The following BRINP3 variants were observed in gnomAD, a reference collection of about 807,000 sequenced individuals.
BRINP3 encodes BMP/retinoic acid-inducible neural-specific protein 3.
BRINP3 carries 19 observed loss-of-function variants against 71.0 expected under a neutral mutation model. The ratio of observed to expected loss-of-function variants is 0.27; its 90% CI spans 0.19 to 0.39. The LOEUF is 0.39. Ranked by LOEUF, BRINP3 falls within the 10% of genes least tolerant of loss-of-function variation. The pLI, the probability that BRINP3 is intolerant of heterozygous loss-of-function variation, is 1.00. For synonymous variants in BRINP3, 380 were observed against 337.7 expected (o/e 1.13, Z -1.37); for missense variants, 959 against 940.8 (o/e 1.02, Z -0.25).
intron 6 of BRINP3, among the ~76,000 whole-genome samples, chr1:190,206,128 G>A (rs1304464113): frequency 6.6e-6 from 1 of 151,928 alleles, no homozygotes; most frequent in Admixed American, 6.6e-5. Context: ...GCCAAATTAA[G>A]GTTAACTTGG....
At chr1:190,196,582 A>T (rs185811383) in intron 6 of BRINP3, among the ~76,000 whole-genome samples, 4 of 152,246 alleles carry the variant, frequency 2.6e-5, no homozygotes, top group Admixed American at 2.6e-4. Context: ...GCAATGGGTA[A>T]ACATAATCAG....
At chr1:190,381,517 C>A (rs1442468035) in intron 2 of BRINP3, among the ~76,000 whole-genome samples, 1 of 152,090 alleles carries the variant, frequency 6.6e-6, no homozygotes, top group Non-Finnish European at 1.5e-5. Context: ...TGTCTTGTTT[C>A]CATTTTCAGA....
chr1:190,321,686 A>G (rs1341518790), intron 2 of BRINP3, among the ~76,000 whole-genome samples: 1 of 152,060 alleles, frequency 6.6e-6, no homozygotes, highest in Non-Finnish European at 1.5e-5. Context: ...ACGTTTTATT[A>G]TCTTTGCTTT....
At chr1:190,285,546 C>T (rs1273084860) in intron 2 of BRINP3, among the ~76,000 whole-genome samples, 1 of 151,810 alleles carries the variant, frequency 6.6e-6, no homozygotes, top group African/African-American at 2.4e-5. Context: ...TGGCAGTGAA[C>T]CGAGATCATG....
chr1:190,401,261 G>T (rs1671900985), intron 2 of BRINP3, among the ~76,000 whole-genome samples: 1 of 151,624 alleles, frequency 6.6e-6, no homozygotes, highest in South Asian at 2.1e-4. Flanking sequence ...GGGAGGATGA[G>T]GCAGGAGAAT....
intron 2 of BRINP3, among the ~76,000 whole-genome samples, chr1:190,453,600 T>C (rs1433373502): frequency 8.5e-5 from 13 of 152,166 alleles, no homozygotes; most frequent in Admixed American, 8.5e-4. Flanking sequence ...ATAAGGGATT[T>C]CTTATTTTTG....
intron 7 of BRINP3, among the ~76,000 whole-genome samples, chr1:190,134,201 G>T (rs763134520): frequency 6.6e-6 from 1 of 152,010 alleles, no homozygotes; most frequent in South Asian, 2.1e-4. Context: ...AAGCCTCTTC[G>T]TGGAGGTGAT....
At chr1:190,122,606 C>T (rs1322443618) in intron 7 of BRINP3, among the ~76,000 whole-genome samples, 2 of 150,698 alleles carry the variant, frequency 1.3e-5, no homozygotes, top group African/African-American at 2.4e-5. Context: ...GGAGGGATAG[C>T]GTTAGGAGAT....
At chr1:190,435,578 ACT>A (rs1449361232) in intron 2 of BRINP3, among the ~76,000 whole-genome samples, 2 of 152,102 alleles carry the variant, frequency 1.3e-5, no homozygotes, top group Admixed American at 6.6e-5. Context: ...AGATAAACTA[ACT>A]CACAACAATG....
intron 7 of BRINP3, among the ~76,000 whole-genome samples, chr1:190,146,929 A>T (rs1191847824): frequency 6.6e-6 from 1 of 152,062 alleles, no homozygotes; most frequent in African/African-American, 2.4e-5. Flanking sequence ...TTCCATTCAG[A>T]AAACGAGCAA....
In BRINP3 at chr1:190,119,644, G is replaced by A. The variant is rs554314256; in HGVS notation, c.1185-20510C>T. Among the ~76,000 whole-genome samples the A allele has an allele frequency of 2.6e-5, 4 of 152,226 alleles. No individual in the cohort carries two copies. The East Asian group carries it at 7.7e-4, about 29-fold the overall frequency. ...TAAGTTTCACTTATACTGAGTGCAG[G>A]TGTTTATATTTCAGACAAATTTTTA... On this transcript the variant is annotated intron_variant, in intron 7 of 7. Transcript: ENST00000367462.
intron 6 of BRINP3, among the ~76,000 whole-genome samples, chr1:190,223,115 C>A (rs910794125): frequency 2.0e-5 from 3 of 151,912 alleles, no homozygotes; most frequent in African/African-American, 7.2e-5. Flanking sequence ...AATATCAGTT[C>A]TACCCAAATT....
intron 2 of BRINP3, among the ~76,000 whole-genome samples, chr1:190,365,959 G>T (rs982406123): frequency 6.6e-6 from 1 of 151,392 alleles, no homozygotes; most frequent in South Asian, 2.1e-4. Flanking sequence ...GAGAAATAAT[G>T]GCTTTCCAAA....
intron 2 of BRINP3, among the ~76,000 whole-genome samples, chr1:190,333,959 A>G (rs1467850839): frequency 1.3e-5 from 2 of 151,912 alleles, no homozygotes; most frequent in Non-Finnish European, 2.9e-5. Flanking sequence ...AAGTTTTCTC[A>G]GTTCCATAAT....
intron 2 of BRINP3, among the ~76,000 whole-genome samples, chr1:190,320,740 T>G (rs1160756801): frequency 6.6e-6 from 1 of 151,904 alleles, no homozygotes; most frequent in Non-Finnish European, 1.5e-5. Context: ...GAACCTAATG[T>G]GCATATCTTT....
intron 2 of BRINP3, among the ~76,000 whole-genome samples, chr1:190,381,800 G>T (rs1034256533): frequency 6.6e-6 from 1 of 152,060 alleles, no homozygotes; most frequent in Admixed American, 6.6e-5. Flanking sequence ...CTAGGCATAT[G>T]GATCAGTACT....
chr1:190,419,493 T>G (rs1673221155), intron 2 of BRINP3, among the ~76,000 whole-genome samples: 1 of 151,980 alleles, frequency 6.6e-6, no homozygotes, highest in African/African-American at 2.4e-5. Context: ...GTTCTAAAAA[T>G]ATCGTATTTT....
At chr1:190,158,867 G>T (rs983141196) in intron 7 of BRINP3, among the ~76,000 whole-genome samples, 10 of 150,410 alleles carry the variant, frequency 6.6e-5, no homozygotes, top group African/African-American at 2.4e-4. Flanking sequence ...CACAGGGAGG[G>T]GGAGAGAGAG....
At chr1:190,293,466 G>A (rs893874764) in intron 2 of BRINP3, among the ~76,000 whole-genome samples, 1 of 151,784 alleles carries the variant, frequency 6.6e-6, no homozygotes, top group African/African-American at 2.4e-5. Context: ...GATATTCCAT[G>A]TGTTGATGAG....
Sources: gnomAD v4.1 joint callset for allele counts (sites outside exome capture counted in the v4.1 genomes callset) on GRCh38, gnomAD v4.1.1 for gene constraint, MANE v1.5 for transcripts, NCBI Gene and HGNC (gene_info 2026-07-23, HGNC 2026-07-21) for gene names.